Variants in NGF observed in about 807,000 individuals in gnomAD.
NGF encodes the protein beta-nerve growth factor.
A neutral mutation model predicts 12.8 loss-of-function variants in NGF; 4 were observed. The ratio of observed to expected loss-of-function variants is 0.31; its 90% confidence interval spans 0.15 to 0.72. The LOEUF (loss-of-function observed/expected upper bound fraction) is 0.72. Among genes scored for constraint, NGF ranks in the 30% least tolerant of loss-of-function variants. NGF has a pLI of 0.69. For missense variants in NGF, 283 were observed against 330.8 expected, an observed-to-expected ratio of 0.86 and a Z score of 1.12; for synonymous variants, 140 against 130.0, an observed-to-expected ratio of 1.08 and a Z score of -0.52.
intron 1 of NGF, among the ~76,000 whole-genome samples, chr1:115,329,887 C>A: frequency 6.6e-6 from 1 of 151,566 alleles, no homozygotes; most frequent in Non-Finnish European, 1.5e-5. Flanking sequence ...GTAGCTAGGA[C>A]TTACAGGTGT....
chr1:115,286,006 G>T lies in NGF; in HGVS notation c.*64C>A. 6.4e-7 allele frequency: 1 copy of T among 1,571,272 alleles called. No homozygotes were observed. The highest frequency in any genetic ancestry group is 8.6e-7 in the Non-Finnish European group (1 of 1,156,534). On this transcript the variant is annotated 3_prime_UTR_variant, in exon 3 of 3. Coordinates refer to ENST00000369512, the MANE Select transcript of NGF (RefSeq NM_002506.3). ...TCCTTATAATTTAAAATAATTTACA[G>T]GTTGAGGTAGGGAGGGGCCCAGGAG...
chr1:115,311,310 T>C (rs1654329965), intron 1 of NGF, among the ~76,000 whole-genome samples: 1 of 152,220 alleles, frequency 6.6e-6, no homozygotes, highest in South Asian at 2.1e-4. Context: ...AGATTTAAAC[T>C]TGGAGTTGTC....
chr1:115,290,207 C>T (rs1301642024), intron 2 of NGF, among the ~76,000 whole-genome samples: 1 of 152,030 alleles, frequency 6.6e-6, no homozygotes, highest in African/African-American at 2.4e-5. Context: ...CCTGCTTGAG[C>T]TTCCCCACCA....
chr1:115,303,701 CCATCATCACCAT>C (rs1198132989), intron 1 of NGF, among the ~76,000 whole-genome samples: 1 of 152,170 alleles, frequency 6.6e-6, no homozygotes, highest in African/African-American at 2.4e-5. Context: ...ATGATCACCA[CCATCATCACCAT>C]CATCATCATC....
At chr1:115,294,412 C>T (rs1407453964) in intron 1 of NGF, among the ~76,000 whole-genome samples, 1 of 152,216 alleles carries the variant, frequency 6.6e-6, no homozygotes, top group African/African-American at 2.4e-5. Context: ...CCTCTCACTT[C>T]TATAATGTAA....
chr1:115,334,933 T>TC (rs777331412), intron 1 of NGF, among the ~76,000 whole-genome samples: 2 of 152,184 alleles, frequency 1.3e-5, no homozygotes, highest in African/African-American at 4.8e-5. Context: ...CAAAGCTACT[T>TC]CCCTTCCTTT....
intron 1 of NGF, among the ~76,000 whole-genome samples, chr1:115,327,648 G>C (rs1395635745): frequency 1.3e-5 from 2 of 152,136 alleles, no homozygotes; most frequent in African/African-American, 4.8e-5. Context: ...TTTCAGAAAG[G>C]GTGGAAATAC....
rs72699556 is a variant in NGF at position 115,320,585 on chromosome 1, G to A, written c.-137+17619C>T. ...CAGACAAAGGGATGATTCACGTTCC[G>A]GGCAGAAAAAGTGGGATGGCGCAAT... On this transcript the variant is annotated intron_variant, in intron 1 of 2. Transcript: ENST00000369512. Among the ~76,000 whole-genome samples, 474 of 152,228 alleles carry A rather than the reference G, an allele frequency of 3.1e-3. 1 individual carries two copies. Among genetic ancestry groups the A allele is most frequent in the Non-Finnish European group, 4.3e-3 (294 of 68,024 alleles).
intron 1 of NGF, among the ~76,000 whole-genome samples, chr1:115,327,437 GA>G (rs1167245950): frequency 6.6e-6 from 1 of 152,168 alleles, no homozygotes; most frequent in Non-Finnish European, 1.5e-5. Context: ...ACATGGGCAT[GA>G]AATCTGAAGT....
At chr1:115,303,629 A>T (rs1654111756) in intron 1 of NGF, among the ~76,000 whole-genome samples, 1 of 152,022 alleles carries the variant, frequency 6.6e-6, no homozygotes, top group Non-Finnish European at 1.5e-5. Flanking sequence ...CACTTCCAAC[A>T]TATTGCCATG....
intron 1 of NGF, among the ~76,000 whole-genome samples, chr1:115,318,737 G>A (rs1654539014): frequency 1.3e-5 from 2 of 152,054 alleles, no homozygotes; most frequent in South Asian, 4.1e-4. Context: ...CCACCTGCTT[G>A]TCCCTACTCT....
At chr1:115,324,395 C>T (rs764823945) in intron 1 of NGF, among the ~76,000 whole-genome samples, 9 of 152,146 alleles carry the variant, frequency 5.9e-5, no homozygotes, top group Non-Finnish European at 1.0e-4. Flanking sequence ...CCTCAATTGG[C>T]TCTTCACCCC....
chr1:115,337,267 G>GTTTGTTTGTTTGTTTTTTT, intron 1 of NGF, among the ~76,000 whole-genome samples: 2 of 81,030 alleles, frequency 2.5e-5, no homozygotes, highest in African/African-American at 1.1e-4. Context: ...TTTTGTTTTT[G>GTTTGTTTGTTTGTTTTTTT]TTTTTTTTTT....
At chr1:115,333,881 C>T (rs946763995) in intron 1 of NGF, among the ~76,000 whole-genome samples, 2 of 150,680 alleles carry the variant, frequency 1.3e-5, no homozygotes, top group Non-Finnish European at 2.9e-5. Context: ...TTGAAATCAG[C>T]GCCAAGCTCT....
In NGF at chr1:115,286,085, A is replaced by G; in HGVS notation, c.711T>C (p.Ala237=). 6.2e-7 allele frequency: 1 copy of G among 1,613,346 alleles called. No individual in the cohort carries two copies. Among genetic ancestry groups the G allele is most frequent in the Non-Finnish European group, 8.5e-7 (1 of 1,179,698 alleles). ...TGTCGGCAGGTCAGGCTCTTCTCAC[A>G]GCCTTCCTGCTGAGCACACACACAC... ...TACVCVLSRK[A]VRRA The change falls in exon 3 of 3, where the codon GCT becomes GCC. Residue 237 remains alanine (A), a synonymous_variant. Coordinates refer to ENST00000369512, the MANE Select transcript of NGF (RefSeq NM_002506.3).
chr1:115,301,560 C>T (rs1654035315), intron 1 of NGF, among the ~76,000 whole-genome samples: 1 of 152,166 alleles, frequency 6.6e-6, no homozygotes, highest in Admixed American at 6.5e-5. Flanking sequence ...TCATCCCATG[C>T]CCCCATCTGG....
intron 1 of NGF, among the ~76,000 whole-genome samples, chr1:115,312,444 C>A (rs1654359288): frequency 6.6e-6 from 1 of 151,894 alleles, no homozygotes; most frequent in South Asian, 2.1e-4. Context: ...AACAATATAG[C>A]AGAAGTGACA....
intron 1 of NGF, among the ~76,000 whole-genome samples, chr1:115,324,821 G>T (rs1654729643): frequency 6.6e-6 from 1 of 152,114 alleles, no homozygotes; most frequent in African/African-American, 2.4e-5. Flanking sequence ...CTAACATTCT[G>T]TCATAGGCTG....
At chr1:115,316,920 C>G (rs1010136932) in intron 1 of NGF, among the ~76,000 whole-genome samples, 1 of 152,158 alleles carries the variant, frequency 6.6e-6, no homozygotes, top group African/African-American at 2.4e-5. Context: ...TGCCATGCTG[C>G]TTTTTAATTC....
Sources: gnomAD v4.1 joint callset for allele counts (sites outside exome capture counted in the v4.1 genomes callset) on GRCh38, gnomAD v4.1.1 for gene constraint, MANE v1.5 for transcripts, NCBI Gene and HGNC (gene_info 2026-07-23, HGNC 2026-07-21) for gene names.